CCDC149: variants seen among roughly 807,000 people sequenced by gnomAD.
CCDC149 encodes coiled-coil domain-containing protein 149.
In CCDC149, 45 loss-of-function variants were observed where a neutral mutation model predicts 59.9. That is an observed-to-expected ratio of 0.75 (90% confidence interval 0.59 to 0.96). The LOEUF (loss-of-function observed/expected upper bound fraction) is 0.96. Among genes scored for constraint, CCDC149 ranks in the 40% least tolerant of loss-of-function variants. CCDC149 has a pLI of 0.00. For missense variants in CCDC149, 584 were observed against 664.7 expected (o/e 0.88, Z 1.33); for synonymous variants, 245 against 260.6 (o/e 0.94, Z 0.58).
At chr4:24,930,504 A>T (rs796289306) in intron 1 of CCDC149, among the ~76,000 whole-genome samples, 1 of 152,234 alleles carries the variant, frequency 6.6e-6, no homozygotes, top group African/African-American at 2.4e-5. Context: ...GAAAAAGTAC[A>T]AAAACTACGA....
intron 1 of CCDC149, among the ~76,000 whole-genome samples, chr4:24,888,189 C>T (rs1720309706): frequency 6.6e-6 from 1 of 152,142 alleles, no homozygotes; most frequent in Non-Finnish European, 1.5e-5. Flanking sequence ...ATCTCCAGAG[C>T]CAGGCACAGC....
intron 9 of CCDC149, chr4:24,829,497 A>AG (rs1371946207): frequency 6.6e-6 from 1 of 152,128 alleles, no homozygotes; most frequent in Non-Finnish European, 1.5e-5. Context: ...ACAGTGGAGA[A>AG]GGCTGGAGTT....
intron 4 of CCDC149, among the ~76,000 whole-genome samples, chr4:24,839,203 G>A (rs190314269): frequency 4.5e-3 from 678 of 149,802 alleles, no homozygotes; most frequent in African/African-American, 0.016. Context: ...TTTTTGAGAC[G>A]GAGTCTCGCT....
chr4:24,810,019 T>A (rs932547380), intron 12 of CCDC149, among the ~76,000 whole-genome samples: 1 of 152,216 alleles, frequency 6.6e-6, no homozygotes, highest in Non-Finnish European at 1.5e-5. Flanking sequence ...GATGTGCTCC[T>A]GTTTCACTCT....
intron 1 of CCDC149, among the ~76,000 whole-genome samples, chr4:24,891,217 CGGA>C (rs775814423): frequency 1.4e-4 from 21 of 152,278 alleles, no homozygotes; most frequent in East Asian, 3.9e-4. Context: ...AAAAGTCAGG[CGGA>C]GATTTATTCT....
intron 3 of CCDC149, among the ~76,000 whole-genome samples, chr4:24,862,865 T>C (rs1405418987): frequency 6.6e-6 from 1 of 151,332 alleles, no homozygotes; most frequent in Non-Finnish European, 1.5e-5. Context: ...TGAATTCCCA[T>C]TGCATGTAAA....
At chr4:24,964,202 A>T (rs1723729874) in intron 1 of CCDC149, among the ~76,000 whole-genome samples, 1 of 151,860 alleles carries the variant, frequency 6.6e-6, no homozygotes, top group African/African-American at 2.4e-5. Context: ...TAAAAAAAAA[A>T]AAAAAAAAAG....
intron 1 of CCDC149, among the ~76,000 whole-genome samples, chr4:24,972,995 A>G (rs532123274): frequency 1.2e-3 from 185 of 152,316 alleles, no homozygotes; most frequent in Non-Finnish European, 1.0e-3. Flanking sequence ...AGCTTCATCT[A>G]TGTAACAAGA....
At chr4:24,938,022 T>C (rs188953078) in intron 1 of CCDC149, among the ~76,000 whole-genome samples, 2 of 152,318 alleles carry the variant, frequency 1.3e-5, no homozygotes, top group South Asian at 2.1e-4. Context: ...TCTCTAAAAA[T>C]ACATAACACA....
chr4:24,955,528 A>G (rs1243059140), intron 1 of CCDC149, among the ~76,000 whole-genome samples: 1 of 152,264 alleles, frequency 6.6e-6, no homozygotes, highest in Non-Finnish European at 1.5e-5. Context: ...AATATTATTC[A>G]GCCTTAATAA....
At chr4:24,883,278 G>A (rs1343961734) in intron 1 of CCDC149, among the ~76,000 whole-genome samples, 14 of 150,526 alleles carry the variant, frequency 9.3e-5, no homozygotes, top group Admixed American at 9.3e-4. Flanking sequence ...GGTAATTATT[G>A]TTTCCTGAAG....
At chr4:24,946,712 CT>C (rs1365852772) in intron 1 of CCDC149, among the ~76,000 whole-genome samples, 2 of 152,140 alleles carry the variant, frequency 1.3e-5, no homozygotes. Context: ...CCACTTTATC[CT>C]AGCGTGGGTA....
At chr4:24,847,743 G>C (rs552313022) in intron 4 of CCDC149, among the ~76,000 whole-genome samples, 1 of 152,288 alleles carries the variant, frequency 6.6e-6, no homozygotes, top group African/African-American at 2.4e-5. Context: ...ACATAAACCT[G>C]GGTCTGACAA....
At chr4:24,821,748 G>A (rs942161993) in intron 10 of CCDC149, among the ~76,000 whole-genome samples, 2 of 152,166 alleles carry the variant, frequency 1.3e-5, no homozygotes, top group African/African-American at 4.8e-5. Context: ...GTAAATACAA[G>A]TTTCTGAAGA....
intron 9 of CCDC149, among the ~76,000 whole-genome samples, chr4:24,825,871 A>T (rs1715705238): frequency 1.3e-5 from 2 of 152,160 alleles, no homozygotes; most frequent in Admixed American, 1.3e-4. Flanking sequence ...AACCCAGACC[A>T]TGAATGACCT....
At position 24,808,688 on chromosome 4, in the gene CCDC149, G is replaced by C; in HGVS notation, c.1324C>G (p.His442Asp). The C allele has an allele frequency of 6.4e-7, 1 of 1,552,396 alleles. No homozygotes were observed. The highest frequency in any genetic ancestry group is 8.7e-7 in the Non-Finnish European group (1 of 1,147,136). ...GAAGGTAACTGGGGTAATGAAGGAT[G>C]AAAGAGCTTGCATTGGTTCCCGCGG... is the stretch of plus-strand genomic sequence containing the variant. The change falls in exon 13 of 13, where the codon CAT (histidine) becomes GAT (aspartate). Residue 442 changes from histidine to aspartate, a missense_variant. Physicochemically the swap from His to Asp is moderately conservative, Grantham distance 81. Transcript: ENST00000635206.
At chr4:24,965,160 T>C (rs1178852740) in intron 1 of CCDC149, among the ~76,000 whole-genome samples, 2 of 151,144 alleles carry the variant, frequency 1.3e-5, no homozygotes, top group East Asian at 3.9e-4. Flanking sequence ...TAAAACATGG[T>C]ACTATATTAG....
intron 1 of CCDC149, among the ~76,000 whole-genome samples, chr4:24,961,306 A>C (rs182547434): frequency 1.7e-3 from 262 of 152,302 alleles, no homozygotes; most frequent in African/African-American, 6.1e-3. Flanking sequence ...ACACTGACAA[A>C]AAAATAAAAT....
At chr4:24,871,188 C>CTGAA (rs35751565) in intron 3 of CCDC149, among the ~76,000 whole-genome samples, 26,562 of 151,654 alleles carry the variant, frequency 0.18, 2,368 homozygotes, top group Admixed American at 0.23. Context: ...AGTAAGCGTG[C>CTGAA]TGAATGAATG....
Sources: gnomAD v4.1 joint callset for allele counts (sites outside exome capture counted in the v4.1 genomes callset) on GRCh38, gnomAD v4.1.1 for gene constraint, MANE v1.5 for transcripts, NCBI Gene and HGNC (gene_info 2026-07-23, HGNC 2026-07-21) for gene names.